Variants in VAV1 observed in about 807,000 individuals in gnomAD.
VAV1 encodes the protein vav guanine nucleotide exchange factor 1, also known as proto-oncogene vav.
Under a neutral mutation model 128.1 loss-of-function variants are expected in VAV1, and 33 were observed. The observed-to-expected ratio is 0.26, with a 90% confidence interval of 0.20 to 0.34. The LOEUF is 0.34. VAV1 is among the 10% of genes least tolerant of loss of function. The probability of loss-of-function intolerance (pLI) is 1.00; values close to 1 mark genes in which losing one functional copy is unlikely to be tolerated. For missense variants in VAV1, 715 were observed against 1,093.7 expected, an observed-to-expected ratio of 0.65 and a Z score of 4.88; for synonymous variants, 394 against 409.8, an observed-to-expected ratio of 0.96 and a Z score of 0.47.
intron 26 of VAV1, among the ~76,000 whole-genome samples, chr19:6,856,461 C>A (rs1972803775): frequency 6.6e-6 from 1 of 152,024 alleles, no homozygotes; most frequent in Non-Finnish European, 1.5e-5. Flanking sequence ...GTGGCTCATG[C>A]CTGTAATCCC....
At chr19:6,831,142 G>C (rs974106082) in intron 14 of VAV1, among the ~76,000 whole-genome samples, 1 of 152,008 alleles carries the variant, frequency 6.6e-6, no homozygotes, top group Non-Finnish European at 1.5e-5. Flanking sequence ...GGGTGGGAGG[G>C]GGAGCTATCT....
At chr19:6,806,053 G>C (rs1057243947) in intron 1 of VAV1, among the ~76,000 whole-genome samples, 1 of 152,104 alleles carries the variant, frequency 6.6e-6, no homozygotes, top group African/African-American at 2.4e-5. Flanking sequence ...ACCATGACCT[G>C]TGGGCCAAAT....
At chr19:6,783,687 C>G (rs1002830787) in intron 1 of VAV1, among the ~76,000 whole-genome samples, 2 of 151,970 alleles carry the variant, frequency 1.3e-5, no homozygotes, top group Non-Finnish European at 2.9e-5. Flanking sequence ...AGGGTGGTCT[C>G]GAACTCCTGA....
At chr19:6,790,400 G>A (rs570799851) in intron 1 of VAV1, among the ~76,000 whole-genome samples, 4 of 152,290 alleles carry the variant, frequency 2.6e-5, no homozygotes, top group Non-Finnish European at 5.9e-5. Flanking sequence ...CGGATCGGAT[G>A]TCTTAGAACA....
At chr19:6,836,348 A>C (rs1438936100) in intron 19 of VAV1, 84 bp from the exon 20 acceptor site, 4 of 1,511,028 alleles carry the variant, frequency 2.6e-6, no homozygotes, top group East Asian at 2.3e-5. Flanking sequence ...AAAAAGAAAA[A>C]TTTTAGCCAT....
At chr19:6,813,079 T>C (rs1199558818) in intron 1 of VAV1, among the ~76,000 whole-genome samples, 1 of 152,248 alleles carries the variant, frequency 6.6e-6, no homozygotes, top group Admixed American at 6.5e-5. Context: ...CTTAATTGTA[T>C]AAAACAACCA....
chr19:6,812,607 C>T (rs748383031), intron 1 of VAV1, among the ~76,000 whole-genome samples: 4 of 152,056 alleles, frequency 2.6e-5, no homozygotes, highest in African/African-American at 4.8e-5. Context: ...GCCAAGATCA[C>T]GCCACTGCAC....
At chr19:6,840,493 G>C (rs1373304244) in intron 21 of VAV1, among the ~76,000 whole-genome samples, 1 of 147,326 alleles carries the variant, frequency 6.8e-6, no homozygotes, top group African/African-American at 2.5e-5. Flanking sequence ...TTTTAGTAGA[G>C]TTTCACCGTG....
rs56714339 is a variant in VAV1 at position 6,776,159 on chromosome 19, C to CCCATCCAT, written c.204+3176_204+3183dup. Among the ~76,000 whole-genome samples the CCCATCCAT allele has an allele frequency of 4.7e-3, 608 of 130,358 alleles. 13 individuals carry two copies. Among genetic ancestry groups the CCCATCCAT allele is most frequent in the African/African-American group, 0.017 (573 of 33,604 alleles). 85.5% of individuals were successfully genotyped at this position (130,358 alleles called of 152,430 possible). A position where few individuals can be genotyped will look rare whatever the true frequency, so the allele number is the denominator to read the frequency against. ...ATTCATCCATCTGCTCATCTATCCA[C>CCCATCCAT]CCATCCATCCATCCATCCATCCATC... On this transcript the variant is annotated intron_variant, in intron 1 of 26. Coordinates refer to ENST00000602142, the MANE Select transcript of VAV1 (RefSeq NM_005428.4).
At chr19:6,816,120 C>T (rs577022855) in intron 1 of VAV1, among the ~76,000 whole-genome samples, 225 of 150,918 alleles carry the variant, frequency 1.5e-3, no homozygotes, top group African/African-American at 4.8e-3. Flanking sequence ...CCTGGGTTCA[C>T]GCCATTCTCC....
intron 23 of VAV1, among the ~76,000 whole-genome samples, chr19:6,849,899 AGGGTGTGTG>A (rs1972622758): frequency 6.6e-6 from 1 of 152,120 alleles, no homozygotes; most frequent in Non-Finnish European, 1.5e-5. Flanking sequence ...TGAACAAACA[AGGGTGTGTG>A]TCTTTCTGGT....
At chr19:6,809,553 GA>G (rs993489244) in intron 1 of VAV1, among the ~76,000 whole-genome samples, 1 of 151,774 alleles carries the variant, frequency 6.6e-6, no homozygotes, top group East Asian at 1.9e-4. Context: ...AGGTAAGTGA[GA>G]AAAAAAAGAG....
In VAV1 at chr19:6,820,798, G is replaced by C; in HGVS notation, c.301G>C (p.Asp101His). The change falls in exon 2 of 27, where the codon GAT (aspartate) becomes CAT (histidine). Residue 101 changes from aspartate (D) to histidine (H), a missense_variant. Around this residue, in one of 3 missense-constraint regions of VAV1, gnomAD observed 302 missense variants for 477.8 expected, o/e 0.63. Transcript: ENST00000602142. This position sits in a 1 kb window ranked among gnomAD's most constrained non-coding sequence, Gnocchi z 4.4. ...SELFEAFDLF[D>H]VQDFGKVIYT... ...GCTCTTCGAAGCCTTTGACCTCTTCGATGTGCAGGATTTTGGCAAGGTGAG... is the reference window on the plus strand; with the variant it reads ...GCTCTTCGAAGCCTTTGACCTCTTCCATGTGCAGGATTTTGGCAAGGTGAG... 6.2e-7 allele frequency: 1 copy of C among 1,614,196 alleles called. No homozygotes were observed. Among genetic ancestry groups the C allele is most frequent in the Admixed American group, 1.7e-5 (1 of 60,028 alleles).
intron 22 of VAV1, among the ~76,000 whole-genome samples, chr19:6,847,097 A>G (rs1175157615): frequency 6.6e-6 from 1 of 151,952 alleles, no homozygotes; most frequent in Non-Finnish European, 1.5e-5. Context: ...CATTTTTAGT[A>G]GAGACGAGGT....
intron 22 of VAV1, 129 bp from the exon 23 acceptor site, chr19:6,847,869 C>A: frequency 1.3e-6 from 1 of 775,224 alleles, no homozygotes; most frequent in Non-Finnish European, 1.9e-6. Flanking sequence ...TGCTGAAGGG[C>A]TGTTAGAGCC....
intron 22 of VAV1, among the ~76,000 whole-genome samples, chr19:6,847,323 C>T (rs548153352): frequency 1.3e-5 from 2 of 152,144 alleles, no homozygotes; most frequent in South Asian, 4.2e-4. Context: ...TCCTGCCTCC[C>T]GCAGCCCCCG....
In VAV1 at chr19:6,857,158, G is replaced by T; in HGVS notation, c.*51G>T. On this transcript the variant is annotated 3_prime_UTR_variant, in exon 27 of 27. Transcript: ENST00000602142. ...AGAAACTCCAGGCTCTGAGCCCGGC[G>T]TGGGCAGGCAGCGGAGCCAGGGGCT... The T allele has an allele frequency of 1.2e-6, 2 of 1,612,010 alleles. No individual in the cohort carries two copies. The highest frequency in any genetic ancestry group is 2.2e-5 in the South Asian group (2 of 90,916).
chr19:6,844,122 AG>A (rs1972458613), intron 22 of VAV1, among the ~76,000 whole-genome samples: 1 of 109,054 alleles, frequency 9.2e-6, no homozygotes. Flanking sequence ...AGGCTGAGAG[AG>A]GGTAAGTGAA....
intron 9 of VAV1, among the ~76,000 whole-genome samples, chr19:6,827,564 G>A (rs755895062): frequency 2.0e-5 from 3 of 151,946 alleles, no homozygotes; most frequent in East Asian, 1.9e-4. Flanking sequence ...CTGAGCAATC[G>A]TGCCCAGCCT....
Sources: gnomAD v4.1 joint callset for allele counts (sites outside exome capture counted in the v4.1 genomes callset) on GRCh38, gnomAD v4.1.1 for gene constraint, gnomAD v4.1.1 regional missense constraint, Gnocchi (gnomAD v3.1) non-coding constraint, MANE v1.5 for transcripts, NCBI Gene and HGNC (gene_info 2026-07-23, HGNC 2026-07-21) for gene names.